Variants in DPP10 observed in about 807,000 individuals in gnomAD.
The protein encoded by DPP10 is inactive dipeptidyl peptidase 10.
Under a neutral mutation model 120.9 loss-of-function variants are expected in DPP10, and 33 were observed. The observed-to-expected ratio is 0.27, with a 90% CI of 0.21 to 0.37. The LOEUF (loss-of-function observed/expected upper bound fraction) is 0.37. DPP10 is among the 10% of genes least tolerant of loss of function. The probability of loss-of-function intolerance (pLI) is 1.00; values close to 1 mark genes in which losing one functional copy is unlikely to be tolerated. For missense variants in DPP10, 816 were observed against 942.8 expected (o/e 0.87, Z 1.76); for synonymous variants, 337 against 326.1 (o/e 1.03, Z -0.36).
chr2:114,899,668 C>T (rs1220883485), intron 1 of DPP10, among the ~76,000 whole-genome samples: 1 of 147,780 alleles, frequency 6.8e-6, no homozygotes, highest in Non-Finnish European at 1.5e-5. Flanking sequence ...AAGATTTATT[C>T]GTGTTAGGGC....
chr2:115,024,449 A>G (rs1303887268), intron 1 of DPP10, among the ~76,000 whole-genome samples: 1 of 151,716 alleles, frequency 6.6e-6, no homozygotes, highest in Non-Finnish European at 1.5e-5. Context: ...ATAAACGATA[A>G]CCTTTTCAGT....
chr2:115,011,284 A>G (rs1278375185), intron 1 of DPP10, among the ~76,000 whole-genome samples: 1 of 152,182 alleles, frequency 6.6e-6, no homozygotes, highest in Non-Finnish European at 1.5e-5. Flanking sequence ...AGAAATGTCA[A>G]TTAGGACAAG....
At chr2:115,419,153 G>C (rs931187239) in intron 3 of DPP10, among the ~76,000 whole-genome samples, 1 of 152,130 alleles carries the variant, frequency 6.6e-6, no homozygotes, top group Non-Finnish European at 1.5e-5. Context: ...TCACAGCATA[G>C]TAAGTTTTGG....
At chr2:115,262,004 A>AGAGAG (rs753246466) in intron 1 of DPP10, among the ~76,000 whole-genome samples, 5 of 152,160 alleles carry the variant, frequency 3.3e-5, no homozygotes, top group Non-Finnish European at 5.9e-5. Context: ...CTCCCTCCAA[A>AGAGAG]GAGAGAATCC....
intron 3 of DPP10, among the ~76,000 whole-genome samples, chr2:115,394,125 A>G (rs183435340): frequency 7.2e-5 from 11 of 152,332 alleles, no homozygotes; most frequent in African/African-American, 2.4e-4. Flanking sequence ...AATCGATTCT[A>G]AAAACTAGGA....
At chr2:115,372,734 A>C (rs1199917635) in intron 3 of DPP10, among the ~76,000 whole-genome samples, 1 of 152,218 alleles carries the variant, frequency 6.6e-6, no homozygotes, top group East Asian at 1.9e-4. Context: ...TGAAGTAAAC[A>C]CATAACCATC....
chr2:114,965,126 A>T (rs956728103), intron 1 of DPP10, among the ~76,000 whole-genome samples: 3 of 151,434 alleles, frequency 2.0e-5, no homozygotes, highest in Non-Finnish European at 4.4e-5. Flanking sequence ...TCAGTTTGGG[A>T]CTTTCTTTCT....
At position 115,021,493 on chromosome 2, in the gene DPP10, A is replaced by C. The variant is rs553027364; in HGVS notation, c.61-287746A>C. Among the ~76,000 whole-genome samples the C allele has an allele frequency of 1.8e-4, 28 of 152,242 alleles. No individual in the cohort carries two copies. The South Asian group carries it at 5.8e-3, about 32-fold the overall frequency. On this transcript the variant is annotated intron_variant, in intron 1 of 25. Transcript: ENST00000410059. The stretch of plus-strand genomic sequence containing the variant: ...AAGATATACAATCTCTGAATATACC[A>C]ATAAAAAGCAGTGAGATTGAAATGA...
Position 115,382,420 on chromosome 2 carries a change from C to T in DPP10, c.271+38508C>T, listed in dbSNP as rs563907573. ...CAATGCCTCGCCCTGCTTCGGCTCG[C>T]GCACAGTGCGCGCACCCACTGACCT... On this transcript the variant is annotated intron_variant, in intron 3 of 25. Coordinates refer to ENST00000410059, the MANE Select transcript of DPP10 (RefSeq NM_020868.6). Among the ~76,000 whole-genome samples the T allele has an allele frequency of 1.1e-3, 171 of 152,258 alleles. No homozygotes were observed. The Middle Eastern group carries it at 0.014, about 12-fold the overall frequency.
chr2:115,261,320 A>G (rs961786955), intron 1 of DPP10, among the ~76,000 whole-genome samples: 4 of 152,190 alleles, frequency 2.6e-5, no homozygotes, highest in Admixed American at 2.0e-4. Context: ...GAGCAATACA[A>G]CTACTTTGGT....
chr2:115,635,210 C>A (rs1185269048), intron 5 of DPP10, among the ~76,000 whole-genome samples: 1 of 151,888 alleles, frequency 6.6e-6, no homozygotes, highest in South Asian at 2.1e-4. Context: ...CAGCATGCAG[C>A]CACAGTGATG....
intron 4 of DPP10, among the ~76,000 whole-genome samples, chr2:115,523,422 A>AAAAAC (rs2077940216): frequency 8.2e-6 from 1 of 122,434 alleles, no homozygotes; most frequent in African/African-American, 2.9e-5. Flanking sequence ...AAAAAAAAAA[A>AAAAAC]CCCTCCTGCT....
At chr2:114,857,453 C>G (rs1208823417) in intron 1 of DPP10, among the ~76,000 whole-genome samples, 1 of 152,138 alleles carries the variant, frequency 6.6e-6, no homozygotes, top group African/African-American at 2.4e-5. Context: ...GATATTGGTT[C>G]AGACCCGTTG....
intron 1 of DPP10, among the ~76,000 whole-genome samples, chr2:114,778,869 T>C (rs960520491): frequency 2.0e-5 from 3 of 152,112 alleles, no homozygotes; most frequent in African/African-American, 7.2e-5. Context: ...ATTATGAATT[T>C]AATTGACCGA....
chr2:114,840,912 C>T (rs779979807), intron 1 of DPP10, among the ~76,000 whole-genome samples: 51 of 152,146 alleles, frequency 3.4e-4, no homozygotes, highest in Non-Finnish European at 5.0e-4. Context: ...CTCTGTTCCA[C>T]AGGCACACAA....
intron 4 of DPP10, among the ~76,000 whole-genome samples, chr2:115,518,078 C>G (rs2077596613): frequency 6.6e-6 from 1 of 152,206 alleles, no homozygotes; most frequent in Non-Finnish European, 1.5e-5. Flanking sequence ...TTTTAACAAC[C>G]AGCTCTCATG....
chr2:114,984,813 T>C (rs772230937), intron 1 of DPP10, among the ~76,000 whole-genome samples: 4 of 152,076 alleles, frequency 2.6e-5, no homozygotes, highest in Non-Finnish European at 5.9e-5. Flanking sequence ...GACATGCCCG[T>C]GTTTGCCATT....
chr2:115,129,072 G>A (rs565158469), intron 1 of DPP10, among the ~76,000 whole-genome samples: 1 of 152,276 alleles, frequency 6.6e-6, no homozygotes, highest in Non-Finnish European at 1.5e-5. Context: ...CCCTCTTCAT[G>A]ACACTCGGTC....
intron 3 of DPP10, among the ~76,000 whole-genome samples, chr2:115,377,403 G>A (rs1397976066): frequency 2.0e-5 from 3 of 152,150 alleles, no homozygotes; most frequent in Admixed American, 6.5e-5. Flanking sequence ...GGGGTTGTTT[G>A]TTTTTTTCTT....
Sources: gnomAD v4.1 joint callset for allele counts (sites outside exome capture counted in the v4.1 genomes callset) on GRCh38, gnomAD v4.1.1 for gene constraint, MANE v1.5 for transcripts, NCBI Gene and HGNC (gene_info 2026-07-23, HGNC 2026-07-21) for gene names.